APPL2: variants seen among roughly 807,000 people sequenced by gnomAD.
APPL2 encodes the protein DCC-interacting protein 13-beta.
Under a neutral mutation model 92.7 loss-of-function variants are expected in APPL2, and 84 were observed. The observed-to-expected ratio is 0.91, with a 90% CI of 0.76 to 1.09. The LOEUF (loss-of-function observed/expected upper bound fraction) is 1.09, where lower values mean the gene tolerates loss of function less well. Ranked by LOEUF, APPL2 falls within the 50% of genes least tolerant of loss-of-function variation. The pLI, the probability that APPL2 is intolerant of heterozygous loss-of-function variation, is 0.00. For missense variants in APPL2, 736 were observed against 824.5 expected, an observed-to-expected ratio of 0.89 and a Z score of 1.31; for synonymous variants, 291 against 291.0, an observed-to-expected ratio of 1.00 and a Z score of 0.00.
At chr12:105,226,030 A>G (rs1268747002) in intron 2 of APPL2, among the ~76,000 whole-genome samples, 2 of 152,244 alleles carry the variant, frequency 1.3e-5, no homozygotes, top group African/African-American at 4.8e-5. Flanking sequence ...GAAATTATAA[A>G]ACTATCAATC....
intron 9 of APPL2, among the ~76,000 whole-genome samples, chr12:105,203,250 A>G (rs1265828007): frequency 6.6e-6 from 1 of 152,208 alleles, no homozygotes; most frequent in Non-Finnish European, 1.5e-5. Context: ...TCAACTACTG[A>G]AGACAGTGAT....
At chr12:105,194,474 T>C (rs920528237) in intron 14 of APPL2, among the ~76,000 whole-genome samples, 5 of 152,174 alleles carry the variant, frequency 3.3e-5, no homozygotes, top group Non-Finnish European at 5.9e-5. Context: ...GTGGATCACT[T>C]GAGGTCAGGA....
chr12:105,229,772 TTTTCTTTC>T, intron 1 of APPL2: 1 of 986,880 alleles, frequency 1.0e-6, no homozygotes, highest in Non-Finnish European at 1.2e-6. Context: ...CCTTGTTTCT[TTTTCTTTC>T]TTTCTTTCTT....
chr12:105,216,388 TTTGTA>T (rs1889692072), intron 4 of APPL2, among the ~76,000 whole-genome samples: 1 of 151,934 alleles, frequency 6.6e-6, no homozygotes, highest in Non-Finnish European at 1.5e-5. Flanking sequence ...AAATAAACCC[TTTGTA>T]GTGGGTTGAA....
At chr12:105,225,452 T>G (rs1271117346) in intron 2 of APPL2, among the ~76,000 whole-genome samples, 2 of 152,188 alleles carry the variant, frequency 1.3e-5, no homozygotes, top group African/African-American at 4.8e-5. Context: ...GAAAGAAGAA[T>G]ATTATGGCCG....
At chr12:105,197,716 T>C in intron 11 of APPL2, 49 bp downstream of exon 11, 2 of 1,607,964 alleles carry the variant, frequency 1.2e-6, no homozygotes, top group Non-Finnish European at 8.5e-7. Flanking sequence ...TTGGAACGGG[T>C]GGAACCACTA....
At position 105,176,117 on chromosome 12, in the gene APPL2, G is replaced by A. The variant is rs144380726; in HGVS notation, c.1813-35C>T. On this transcript the variant is annotated intron_variant, in intron 19 of 20. Transcript: ENST00000258530. ...ACAAGAAAAGTAGTGATTGGCAAAA[G>A]TAGAGAAGGATAAAATTTTAGAACA... is the stretch of plus-strand genomic sequence containing the variant. The A allele has an allele frequency of 4.6e-4, 711 of 1,561,232 alleles. 1 individual carries two copies. In the African/African-American group the frequency reaches 7.9e-3, roughly 17 times the overall value.
intron 17 of APPL2, among the ~76,000 whole-genome samples, 156 bp downstream of exon 17, chr12:105,188,117 G>A (rs2135933704): frequency 6.6e-6 from 1 of 152,288 alleles, no homozygotes; most frequent in African/African-American, 2.4e-5. Context: ...CTCTAAGGGA[G>A]CACTTTCTAG....
Position 105,189,987 on chromosome 12 carries a change from A to G in APPL2, c.1406+4T>C. ...TCCCAGAGATAACCTCTCTCAGCCC[A>G]TACCTGCTCCCTCTGTTCTGATCAA... On this transcript the variant is annotated splice_donor_region_variant and intron_variant, in intron 15 of 20. Coordinates refer to ENST00000258530, the MANE Select transcript of APPL2 (RefSeq NM_018171.5). The G allele has an allele frequency of 2.5e-6, 4 of 1,614,032 alleles. No individual in the cohort carries two copies. Among genetic ancestry groups the G allele is most frequent in the Non-Finnish European group, 3.4e-6 (4 of 1,179,950 alleles).
At chr12:105,187,849 A>G (rs1231586602) in intron 17 of APPL2, among the ~76,000 whole-genome samples, 1 of 152,128 alleles carries the variant, frequency 6.6e-6, no homozygotes, top group African/African-American at 2.4e-5. Flanking sequence ...CCCAGATCGT[A>G]TTACCTGAAA....
intron 4 of APPL2, among the ~76,000 whole-genome samples, chr12:105,213,081 A>C (rs997337863): frequency 2.0e-5 from 3 of 152,210 alleles, no homozygotes; most frequent in Non-Finnish European, 2.9e-5. Context: ...TGACGCTTTG[A>C]GAGACATTAT....
chr12:105,175,679 C>T (rs1437313649), intron 20 of APPL2, among the ~76,000 whole-genome samples: 2 of 152,184 alleles, frequency 1.3e-5, no homozygotes, highest in African/African-American at 2.4e-5. Context: ...TCCCAGGTGA[C>T]GTCTGTCAAT....
intron 17 of APPL2, among the ~76,000 whole-genome samples, chr12:105,183,049 A>T (rs1029509406): frequency 6.7e-6 from 1 of 148,780 alleles, no homozygotes; most frequent in African/African-American, 2.5e-5. Context: ...GTTTTATCAG[A>T]GACTAGGATT....
intron 11 of APPL2, 134 bp from the exon 12 acceptor site, chr12:105,195,761 A>G (rs1887585518): frequency 1.0e-6 from 1 of 991,460 alleles, no homozygotes. Context: ...GGGAAAGAAA[A>G]TGGGGTTCCA....
intron 10 of APPL2, 29 bp from the exon 11 acceptor site, chr12:105,197,982 A>G (rs1414951253): frequency 6.2e-7 from 1 of 1,601,472 alleles, no homozygotes; most frequent in Non-Finnish European, 8.5e-7. Flanking sequence ...AAAGCCCATT[A>G]GTACCAGAAA....
intron 17 of APPL2, among the ~76,000 whole-genome samples, chr12:105,185,904 A>C (rs1239786062): frequency 1.3e-5 from 2 of 152,110 alleles, no homozygotes; most frequent in African/African-American, 4.8e-5. Context: ...ATCATCCCAG[A>C]GGAAACTCCA....
intron 2 of APPL2, among the ~76,000 whole-genome samples, chr12:105,220,642 G>A (rs1476023892): frequency 6.6e-6 from 1 of 152,062 alleles, no homozygotes; most frequent in Non-Finnish European, 1.5e-5. Flanking sequence ...CACCCTCCAG[G>A]CCTTCCAAAC....
chr12:105,187,403 T>TG (rs1415174499), intron 17 of APPL2, among the ~76,000 whole-genome samples: 1 of 152,100 alleles, frequency 6.6e-6, no homozygotes, highest in Non-Finnish European at 1.5e-5. Context: ...ATGACAACAG[T>TG]GGAGGGTGTG....
At chr12:105,200,682 C>T (rs1214421661) in intron 9 of APPL2, among the ~76,000 whole-genome samples, 2 of 152,208 alleles carry the variant, frequency 1.3e-5, no homozygotes, top group Non-Finnish European at 2.9e-5. Context: ...TGTTCCTCTG[C>T]ACTGTGTTAC....
Sources: allele counts gnomAD v4.1 joint callset (sites outside exome capture counted in the v4.1 genomes callset), GRCh38; gene constraint gnomAD v4.1.1; transcripts MANE v1.5; gene names NCBI Gene and HGNC (gene_info 2026-07-23, HGNC 2026-07-21).